Variants in CDK17 observed in about 807,000 individuals in gnomAD.
CDK17 encodes the protein cyclin dependent kinase 17.
Under a neutral mutation model 77.6 loss-of-function variants are expected in CDK17, and 24 were observed. The ratio of observed to expected loss-of-function variants is 0.31; its 90% CI spans 0.22 to 0.44. CDK17 has a LOEUF of 0.44. Among genes scored for constraint, CDK17 ranks in the 20% least tolerant of loss-of-function variants. The pLI is 1.00. For missense variants in CDK17, 429 were observed against 622.5 expected, an observed-to-expected ratio of 0.69 and a Z score of 3.31; for synonymous variants, 203 against 210.4, an observed-to-expected ratio of 0.96 and a Z score of 0.30.
At chr12:96,340,107 T>A (rs1953102669) in intron 1 of CDK17, among the ~76,000 whole-genome samples, 1 of 151,710 alleles carries the variant, frequency 6.6e-6, no homozygotes, top group Admixed American at 6.6e-5. Flanking sequence ...CATAGAGCAT[T>A]TTATATGCTC....
chr12:96,385,158 A>G (rs1489205690), intron 1 of CDK17, among the ~76,000 whole-genome samples: 1 of 151,848 alleles, frequency 6.6e-6, no homozygotes, highest in Non-Finnish European at 1.5e-5. Flanking sequence ...CTAAAAATAC[A>G]AAAATTAGCC....
chr12:96,338,425 G>C (rs569418648), intron 1 of CDK17, among the ~76,000 whole-genome samples: 1 of 152,300 alleles, frequency 6.6e-6, no homozygotes, highest in Admixed American at 6.5e-5. Flanking sequence ...AGCATGATGG[G>C]TTGGTCTTGG....
intron 6 of CDK17, among the ~76,000 whole-genome samples, chr12:96,299,429 C>T (rs943443165): frequency 1.0e-4 from 14 of 134,244 alleles, no homozygotes; most frequent in South Asian, 2.3e-4. Flanking sequence ...TTCATTCTTT[C>T]GCCCAGGCTA....
chr12:96,337,594 T>C lies in CDK17; in HGVS notation c.-29-2729A>G, dbSNP rs148823354. ...AGGAGAAAGTAAACCATGAAGTTCA[T>C]TCCAATTAAGAAACCTGTTAATTGT... On this transcript the variant is annotated intron_variant, in intron 1 of 16. Transcript: ENST00000261211. 2.6e-5 allele frequency among the ~76,000 whole-genome samples: 4 copies of C among 152,324 alleles called. No individual in the cohort carries two copies. The East Asian group carries it at 7.7e-4, about 29-fold the overall frequency.
At chr12:96,374,593 G>C (rs71438996) in intron 1 of CDK17, among the ~76,000 whole-genome samples, 1 of 152,038 alleles carries the variant, frequency 6.6e-6, no homozygotes, top group East Asian at 1.9e-4. Context: ...TGACCTCTTG[G>C]CAAATTCTTA....
intron 5 of CDK17, among the ~76,000 whole-genome samples, chr12:96,301,717 C>T (rs1213234537): frequency 6.6e-6 from 1 of 152,038 alleles, no homozygotes; most frequent in African/African-American, 2.4e-5. Flanking sequence ...GATGATTAAA[C>T]GTTGTGATTT....
chr12:96,352,533 A>G (rs1953327582), intron 1 of CDK17, among the ~76,000 whole-genome samples: 1 of 152,204 alleles, frequency 6.6e-6, no homozygotes, highest in Non-Finnish European at 1.5e-5. Context: ...TGAATCTCAC[A>G]GGTACTCAGA....
intron 1 of CDK17, among the ~76,000 whole-genome samples, chr12:96,351,054 T>C (rs1042226137): frequency 6.6e-6 from 1 of 152,150 alleles, no homozygotes; most frequent in African/African-American, 2.4e-5. Flanking sequence ...ACCAAAGATA[T>C]ACCAATGGCC....
chr12:96,302,178 A>G (rs1952515177), intron 5 of CDK17, among the ~76,000 whole-genome samples: 1 of 152,128 alleles, frequency 6.6e-6, no homozygotes, highest in Non-Finnish European at 1.5e-5. Flanking sequence ...ATCAATAACT[A>G]TGCAAAATAA....
chr12:96,369,147 C>T (rs1380760635), intron 1 of CDK17, among the ~76,000 whole-genome samples: 6 of 150,978 alleles, frequency 4.0e-5, no homozygotes, highest in Non-Finnish European at 8.9e-5. Context: ...TTCAAACAAT[C>T]ACAAAAAAGA....
At chr12:96,330,315 A>G (rs1207183846) in intron 2 of CDK17, among the ~76,000 whole-genome samples, 1 of 152,232 alleles carries the variant, frequency 6.6e-6, no homozygotes, top group East Asian at 1.9e-4. Flanking sequence ...AAGACATCAA[A>G]TACATTGAGT....
At chr12:96,333,147 G>A (rs1417766282) in intron 2 of CDK17, among the ~76,000 whole-genome samples, 1 of 128,936 alleles carries the variant, frequency 7.8e-6, no homozygotes, top group Non-Finnish European at 1.7e-5. Context: ...AAAATTCAAT[G>A]GGGGGGGGTC....
chr12:96,344,865 G>C lies in CDK17; in HGVS notation c.-29-10000C>G, dbSNP rs541145332. Among the ~76,000 whole-genome samples the C allele has an allele frequency of 2.6e-5, 4 of 152,208 alleles. No homozygotes were observed. In the East Asian group the frequency reaches 7.7e-4, roughly 29 times the overall value. On this transcript the variant is annotated intron_variant, in intron 1 of 16. Transcript: ENST00000261211. ...AAGTTCTGGGGTATATGTGCAAGAT[G>C]AGCAGGCTTGTTACATAGGTAAACA...
At chr12:96,301,832 T>C (rs867293610) in intron 5 of CDK17, among the ~76,000 whole-genome samples, 3 of 152,244 alleles carry the variant, frequency 2.0e-5, no homozygotes, top group Middle Eastern at 6.8e-3. Flanking sequence ...TTTCAGACAA[T>C]AGGATAAATT....
chr12:96,348,540 A>G (rs1296721144), intron 1 of CDK17, among the ~76,000 whole-genome samples: 1 of 151,062 alleles, frequency 6.6e-6, no homozygotes, highest in African/African-American at 2.4e-5. Flanking sequence ...AAAAAAAAAA[A>G]AACAAAAAAG....
chr12:96,300,488 G>A (rs865943021), intron 5 of CDK17, 128 bp from the exon 6 acceptor site: 34 of 565,986 alleles, frequency 6.0e-5, no homozygotes, highest in Non-Finnish European at 9.0e-5. Flanking sequence ...CCTCCACCTC[G>A]CGGGTTCAAG....
intron 1 of CDK17, among the ~76,000 whole-genome samples, chr12:96,336,673 T>C (rs1953044873): frequency 6.6e-6 from 1 of 152,224 alleles, no homozygotes; most frequent in African/African-American, 2.4e-5. Flanking sequence ...ATGCCTAATG[T>C]TTTCTACTAA....
chr12:96,346,590 T>C (rs1592743775), intron 1 of CDK17, among the ~76,000 whole-genome samples: 1 of 146,842 alleles, frequency 6.8e-6, no homozygotes, highest in African/African-American at 2.5e-5. Flanking sequence ...ATTCCACCAC[T>C]GCACTCCAGC....
chr12:96,371,126 C>T (rs1056313096), intron 1 of CDK17, among the ~76,000 whole-genome samples: 1 of 146,964 alleles, frequency 6.8e-6, no homozygotes, highest in African/African-American at 2.5e-5. Context: ...GCCCCCACTG[C>T]ATCACTCATA....
Sources: allele counts gnomAD v4.1 joint callset (sites outside exome capture counted in the v4.1 genomes callset), GRCh38; gene constraint gnomAD v4.1.1; transcripts MANE v1.5; gene names NCBI Gene and HGNC (gene_info 2026-07-23, HGNC 2026-07-21).